CDC5L: variants seen among roughly 807,000 people sequenced by gnomAD.
CDC5L encodes cell division cycle 5-like protein.
Under a neutral mutation model 104.1 loss-of-function variants are expected in CDC5L, and 18 were observed. That is an observed-to-expected ratio of 0.17 (90% confidence interval 0.12 to 0.26). The LOEUF (loss-of-function observed/expected upper bound fraction) is 0.26, where lower values mean the gene tolerates loss of function less well. Among genes scored for constraint, CDC5L ranks in the 10% least tolerant of loss-of-function variants. The pLI, the probability that CDC5L is intolerant of heterozygous loss-of-function variation, is 1.00. For synonymous variants in CDC5L, 331 were observed against 322.7 expected, an observed-to-expected ratio of 1.03 and a Z score of -0.28; for missense variants, 673 against 956.9, an observed-to-expected ratio of 0.70 and a Z score of 3.91.
chr6:44,445,918 T>C, intron 15 of CDC5L, 51 bp downstream of exon 15: 2 of 1,382,354 alleles, frequency 1.4e-6, no homozygotes, highest in Non-Finnish European at 2.1e-6. Flanking sequence ...CAAAGAATTA[T>C]CAGGGCTGTC....
chr6:44,394,023 T>C (rs1160724962), intron 4 of CDC5L, among the ~76,000 whole-genome samples: 1 of 152,222 alleles, frequency 6.6e-6, no homozygotes, highest in Admixed American at 6.5e-5. Flanking sequence ...GTCCAGTGTT[T>C]TCTGTTATAG....
Position 44,426,739 on chromosome 6 carries a change from G to C in CDC5L, c.1893+15G>C. 6.2e-7 allele frequency: 1 copy of C among 1,609,426 alleles called. No individual in the cohort carries two copies. The highest frequency in any genetic ancestry group is 1.1e-5 in the South Asian group (1 of 90,814). On this transcript the variant is annotated intron_variant, in intron 13 of 15. Transcript: ENST00000371477. ...AGCTGAAAAAGGTATGATTGAGCTG[G>C]AATATTTCTTCTTGAGATTTAGGTA... is the stretch of plus-strand genomic sequence containing the variant.
intron 1 of CDC5L, 69 bp downstream of exon 1, chr6:44,387,937 G>A (rs908874213): frequency 4.0e-5 from 59 of 1,475,974 alleles, no homozygotes; most frequent in Non-Finnish European, 5.3e-5. Flanking sequence ...CGCGCGCGGA[G>A]GTCGGGGGGG....
intron 7 of CDC5L, among the ~76,000 whole-genome samples, chr6:44,408,050 A>G (rs2153377835): frequency 6.6e-6 from 1 of 152,322 alleles, no homozygotes; most frequent in South Asian, 2.1e-4. Flanking sequence ...ATTTCAGTAT[A>G]GAGATACAGC....
rs144083420 is a variant in CDC5L, at chr6:44,408,501, C to T, written c.961C>T (p.Arg321Cys). Residue 321 changes from arginine to cysteine, a missense_variant, in exon 8 of 16, where the codon CGT becomes TGT. Physicochemically the swap from Arg to Cys is radical, Grantham distance 180. Around this residue, in one of 4 missense-constraint regions of CDC5L, gnomAD observed 578 missense variants for 737.0 expected, o/e 0.78. Coordinates refer to ENST00000371477, the MANE Select transcript of CDC5L (RefSeq NM_001253.4). ...AGTAGGCCAAGCGAGTGAAATTGCACGTCAAACTGCCGAGGAATCTGGCAT... is the reference window on the plus strand; with the variant it reads ...AGTAGGCCAAGCGAGTGAAATTGCATGTCAAACTGCCGAGGAATCTGGCAT... ...VKVGQASEIA[R>C]QTAEESGITN... The T allele has an allele frequency of 6.3e-5, 101 of 1,613,768 alleles. No individual in the cohort carries two copies. The highest frequency in any genetic ancestry group is 7.6e-5 in the Non-Finnish European group (90 of 1,179,828).
chr6:44,396,682 G>C (rs1790884683), intron 5 of CDC5L, among the ~76,000 whole-genome samples: 1 of 152,096 alleles, frequency 6.6e-6, no homozygotes, highest in Admixed American at 6.5e-5. Flanking sequence ...CTGAACCCCA[G>C]TTTTGATGCT....
chr6:44,421,374 AC>A (rs1313416067), intron 9 of CDC5L, among the ~76,000 whole-genome samples: 5 of 152,242 alleles, frequency 3.3e-5, no homozygotes, highest in Non-Finnish European at 5.9e-5. Flanking sequence ...ATTGGAACTT[AC>A]AATGGTTGGA....
intron 14 of CDC5L, among the ~76,000 whole-genome samples, chr6:44,430,675 C>T (rs756434023): frequency 1.1e-4 from 17 of 151,114 alleles, no homozygotes; most frequent in Admixed American, 2.6e-4. Flanking sequence ...TGGTTTCAAG[C>T]GATTCTCCTG....
At position 44,421,159 on chromosome 6, in the gene CDC5L, A is replaced by C. The variant is rs985860507; in HGVS notation, c.1242-1488A>C. On this transcript the variant is annotated intron_variant, in intron 9 of 15. Transcript: ENST00000371477. ...AATATTTTACTATATTTGCTTTATC[A>C]CATATCCATCCACCAATCCATCATA... Among the ~76,000 whole-genome samples the C allele has an allele frequency of 2.0e-5, 3 of 152,206 alleles. No individual in the cohort carries two copies. In the East Asian group the frequency reaches 5.8e-4, roughly 29 times the overall value.
chr6:44,392,834 T>C lies in CDC5L; in HGVS notation c.311+6T>C, dbSNP rs774279335. 6 of 1,611,096 alleles carry C rather than the reference T, an allele frequency of 3.7e-6. No individual in the cohort carries two copies. The East Asian group carries it at 1.3e-4, about 36-fold the overall frequency. The stretch of plus-strand genomic sequence containing the variant: ...GAACACTATGAATTTCTTCTGTAAG[T>C]GAGTCTTCAGAAAGAGCATAGAATA... On this transcript the variant is annotated splice_donor_region_variant and intron_variant, in intron 3 of 15. Coordinates refer to ENST00000371477, the MANE Select transcript of CDC5L (RefSeq NM_001253.4).
intron 9 of CDC5L, among the ~76,000 whole-genome samples, chr6:44,420,664 C>G (rs911344780): frequency 6.6e-6 from 1 of 152,094 alleles, no homozygotes; most frequent in Non-Finnish European, 1.5e-5. Flanking sequence ...GGCCAAAATC[C>G]AAACTTTTTG....
At position 44,387,943 on chromosome 6, in the gene CDC5L, G is replaced by GGT. The variant is rs1790407152; in HGVS notation, c.45+76_45+77insTG. 11 of 1,452,316 alleles carry GGT rather than the reference G, an allele frequency of 7.6e-6. No individual in the cohort carries two copies. The South Asian group carries it at 1.2e-4, about 16-fold the overall frequency. The allele number at this position is 1,452,316 out of a possible 1,614,324, so 90.0% of individuals were successfully genotyped here. The stretch of plus-strand genomic sequence containing the variant: ...TTGTGCGCACGCGCGCGGAGGTCGG[G>GGT]GGGGCGACGAGGAGACCCTGTGGGG... On this transcript the variant is annotated intron_variant, in intron 1 of 15. Coordinates refer to ENST00000371477, the MANE Select transcript of CDC5L (RefSeq NM_001253.4).
intron 14 of CDC5L, among the ~76,000 whole-genome samples, chr6:44,441,341 A>G (rs1321101788): frequency 6.6e-6 from 1 of 152,216 alleles, no homozygotes; most frequent in Non-Finnish European, 1.5e-5. Flanking sequence ...TAAAGACTGA[A>G]TAGTATTCCG....
At chr6:44,396,084 C>T (rs938191976) in intron 4 of CDC5L, among the ~76,000 whole-genome samples, 2 of 152,038 alleles carry the variant, frequency 1.3e-5, no homozygotes, top group Non-Finnish European at 2.9e-5. Context: ...AATTGTTATT[C>T]GAATTTTATA....
At chr6:44,419,182 G>A (rs1792047321) in intron 8 of CDC5L, among the ~76,000 whole-genome samples, 1 of 152,090 alleles carries the variant, frequency 6.6e-6, no homozygotes, top group Admixed American at 6.6e-5. Context: ...TGTATAAGGT[G>A]TAAGGAAGGG....
In CDC5L at chr6:44,412,345, C is replaced by G. The variant is rs1241284429; in HGVS notation, c.1092+3713C>G. 3.9e-5 allele frequency among the ~76,000 whole-genome samples: 6 copies of G among 151,946 alleles called. 1 individual carries two copies. The South Asian group carries it at 1.0e-3, about 26-fold the overall frequency. On this transcript the variant is annotated intron_variant, in intron 8 of 15. Coordinates refer to ENST00000371477, the MANE Select transcript of CDC5L (RefSeq NM_001253.4). ...TTCAGACAGGGTCTCACTCCCATTA[C>G]CCAGGCTGGAGTGCAGTGGCATGAT... is the stretch of plus-strand genomic sequence containing the variant.
At chr6:44,409,652 T>A (rs1367809320) in intron 8 of CDC5L, among the ~76,000 whole-genome samples, 1 of 152,258 alleles carries the variant, frequency 6.6e-6, no homozygotes, top group Non-Finnish European at 1.5e-5. Flanking sequence ...CTACGCTGGC[T>A]GTGTCTGTTT....
intron 14 of CDC5L, among the ~76,000 whole-genome samples, chr6:44,431,170 C>CAT (rs1234752903): frequency 1.3e-5 from 2 of 152,114 alleles, no homozygotes; most frequent in African/African-American, 2.4e-5. Context: ...ATTAAGATCA[C>CAT]ATATATATAG....
At chr6:44,434,910 T>G (rs1243598567) in intron 14 of CDC5L, among the ~76,000 whole-genome samples, 2 of 152,164 alleles carry the variant, frequency 1.3e-5, no homozygotes, top group African/African-American at 2.4e-5. Flanking sequence ...TGGCCAGTCT[T>G]TTTTAGACAG....
Sources: allele counts gnomAD v4.1 joint callset (sites outside exome capture counted in the v4.1 genomes callset), GRCh38; gene constraint gnomAD v4.1.1; regional missense constraint gnomAD v4.1.1; transcripts MANE v1.5; gene names NCBI Gene and HGNC (gene_info 2026-07-23, HGNC 2026-07-21).